Variants in SPIRE1 observed in about 807,000 individuals in gnomAD.
SPIRE1 encodes protein spire homolog 1.
In SPIRE1, 40 loss-of-function variants were observed where a neutral mutation model predicts 94.1. The ratio of observed to expected loss-of-function variants is 0.43; its 90% CI spans 0.33 to 0.55. The LOEUF (loss-of-function observed/expected upper bound fraction) is 0.55. Ranked by LOEUF, SPIRE1 falls within the 20% of genes least tolerant of loss-of-function variation. SPIRE1 has a pLI of 0.06. For synonymous variants in SPIRE1, 376 were observed against 371.7 expected, an observed-to-expected ratio of 1.01 and a Z score of -0.13; for missense variants, 838 against 975.2, an observed-to-expected ratio of 0.86 and a Z score of 1.87.
chr18:12,493,163 T>G lies in SPIRE1; in HGVS notation c.1098A>C (p.Pro366=). ...ARKLKPTPPR[P]RSLHERILEE... ...CTAATATTCTTTCATGGAGGCTCCG[T>G]GGCCGTGGTGGAGTTGGTTTCAGTT... Residue 366 remains proline, a synonymous_variant, in exon 8 of 17, where the codon CCA becomes CCC. Transcript: ENST00000409402. 1 of 1,613,524 alleles carries G rather than the reference T, an allele frequency of 6.2e-7. No homozygotes were observed. The highest frequency in any genetic ancestry group is 8.5e-7 in the Non-Finnish European group (1 of 1,179,858).
At chr18:12,651,283 A>G (rs1007777562) in intron 1 of SPIRE1, among the ~76,000 whole-genome samples, 8 of 152,120 alleles carry the variant, frequency 5.3e-5, no homozygotes, top group Middle Eastern at 3.4e-3. Flanking sequence ...CCCACTACCT[A>G]CTCTGGAAAC....
chr18:12,657,514 G>T lies in SPIRE1; in HGVS notation c.337+16C>A. The T allele has an allele frequency of 8.1e-7, 1 of 1,230,188 alleles. No individual in the cohort carries two copies. The highest frequency in any genetic ancestry group is 1.0e-6 in the Non-Finnish European group (1 of 986,184). The allele number at this position is 1,230,188 out of a possible 1,614,324, so 76.2% of individuals were successfully genotyped here. A position where few individuals can be genotyped will look rare whatever the true frequency, so the allele number is the denominator to read the frequency against. ...TGTTCCAAGAACTACGAGGGAAAGG[G>T]GCCCGGCGGCCTCACCCGCAACTGG... On this transcript the variant is annotated intron_variant, in intron 1 of 16. Coordinates refer to ENST00000409402, the MANE Select transcript of SPIRE1 (RefSeq NM_001128626.2).
chr18:12,573,067 T>G (rs2035998240), intron 2 of SPIRE1, among the ~76,000 whole-genome samples: 1 of 152,054 alleles, frequency 6.6e-6, no homozygotes, highest in Admixed American at 6.6e-5. Flanking sequence ...AGCCACAGAC[T>G]GGAAGAAAAT....
At chr18:12,598,455 G>GT (rs1226006253) in intron 2 of SPIRE1, among the ~76,000 whole-genome samples, 86 of 148,116 alleles carry the variant, frequency 5.8e-4, no homozygotes, top group South Asian at 2.4e-3. Context: ...TGTTTACACT[G>GT]TTTTTTTTTT....
Position 12,559,199 on chromosome 18 carries a change from C to T in SPIRE1, c.373-12295G>A, listed in dbSNP as rs536230342. Among the ~76,000 whole-genome samples the T allele has an allele frequency of 8.9e-3, 1,326 of 149,756 alleles. 22 individuals carry two copies. The highest frequency in any genetic ancestry group is 0.031 in the African/African-American group (1,247 of 40,832). On this transcript the variant is annotated intron_variant, in intron 2 of 16. Coordinates refer to ENST00000409402, the MANE Select transcript of SPIRE1 (RefSeq NM_001128626.2). This position sits in a 1 kb window ranked among gnomAD's most constrained non-coding sequence, Gnocchi z 4.7. Reference sequence around the variant, plus strand: ...GGGGTGGGGTGGGGTGGGGGGGCGCCGGCATGGCAGGCTGCAGGTCCCGAG... The same window carrying T: ...GGGGTGGGGTGGGGTGGGGGGGCGCTGGCATGGCAGGCTGCAGGTCCCGAG...
intron 1 of SPIRE1, among the ~76,000 whole-genome samples, chr18:12,637,209 A>G (rs2037954939): frequency 6.6e-6 from 1 of 151,972 alleles, no homozygotes; most frequent in African/African-American, 2.4e-5. Context: ...AATACAAAAC[A>G]TTAGCCGGGT....
At chr18:12,496,913 C>T (rs2033479655) in intron 6 of SPIRE1, among the ~76,000 whole-genome samples, 1 of 151,586 alleles carries the variant, frequency 6.6e-6, no homozygotes, top group South Asian at 2.1e-4. Flanking sequence ...TACAAAAATA[C>T]AAAAATTAGC....
In SPIRE1 at chr18:12,453,210, T is replaced by C. The variant is rs2031331714; in HGVS notation, c.1777-72A>G. 5.9e-6 allele frequency: 6 copies of C among 1,019,876 alleles called. No individual in the cohort carries two copies. The Admixed American group carries it at 1.2e-4, about 21-fold the overall frequency. The allele number at this position is 1,019,876 out of a possible 1,614,324, so 63.2% of individuals were successfully genotyped here. ...ATTTCCTAATATCCATGTTTGAATA[T>C]GCTTTACATCTATATATAGGGGAAG... On this transcript the variant is annotated intron_variant, in intron 13 of 16. Transcript: ENST00000409402.
intron 13 of SPIRE1, 57 bp downstream of exon 13, chr18:12,454,289 T>C: frequency 6.3e-7 from 1 of 1,598,722 alleles, no homozygotes; most frequent in South Asian, 1.1e-5. Context: ...CAGGAGACTA[T>C]GCATGGGACT....
In SPIRE1 at chr18:12,479,687, C is replaced by T; in HGVS notation, c.1404+12G>A. The stretch of plus-strand genomic sequence containing the variant: ...CATCTTGGGAGTCAAGCTGGGTGAA[C>T]TGGGGCCTCACCTCAGACTCAGAGC... On this transcript the variant is annotated intron_variant, in intron 10 of 16. Transcript: ENST00000409402. The T allele has an allele frequency of 3.1e-6, 5 of 1,594,584 alleles. No homozygotes were observed. The highest frequency in any genetic ancestry group is 4.3e-6 in the Non-Finnish European group (5 of 1,173,480).
At chr18:12,537,253 A>G (rs951825480) in intron 3 of SPIRE1, among the ~76,000 whole-genome samples, 9 of 152,202 alleles carry the variant, frequency 5.9e-5, no homozygotes, top group Non-Finnish European at 1.0e-4. Flanking sequence ...TTTAGAAAAC[A>G]TCTTGCAATA....
chr18:12,510,118 C>A (rs1209738814), intron 5 of SPIRE1, among the ~76,000 whole-genome samples: 1 of 150,794 alleles, frequency 6.6e-6, no homozygotes, highest in South Asian at 2.1e-4. Flanking sequence ...ACAGTATATA[C>A]CATATGATTA....
intron 2 of SPIRE1, among the ~76,000 whole-genome samples, chr18:12,627,339 G>C (rs1231374111): frequency 6.6e-6 from 1 of 151,596 alleles, no homozygotes; most frequent in Non-Finnish European, 1.5e-5. Flanking sequence ...GCAATAGTTT[G>C]CTCAAAATGA....
At chr18:12,614,959 C>T (rs576725270) in intron 2 of SPIRE1, among the ~76,000 whole-genome samples, 207 of 151,864 alleles carry the variant, frequency 1.4e-3, no homozygotes, top group African/African-American at 4.5e-3. Context: ...GAGGCCAAGG[C>T]GGACGGATTG....
rs1448031881 is a variant in SPIRE1, at chr18:12,488,372, C to T, written c.1190-2372G>A. 3.9e-5 allele frequency among the ~76,000 whole-genome samples: 6 copies of T among 152,152 alleles called. No homozygotes were observed. The East Asian group carries it at 9.7e-4, about 24-fold the overall frequency. On this transcript the variant is annotated intron_variant, in intron 8 of 16. Transcript: ENST00000409402. ...CCTGAGGTCCTGGTGGGGATTATGC[C>T]CAGTGGGGAGGGCCTTTGTGGTTGG...
At chr18:12,609,584 G>C (rs2037082566) in intron 2 of SPIRE1, among the ~76,000 whole-genome samples, 1 of 152,162 alleles carries the variant, frequency 6.6e-6, no homozygotes, top group African/African-American at 2.4e-5. Context: ...ATCTGTTCCA[G>C]TCTCAACGAT....
At chr18:12,531,517 G>C (rs943947918) in intron 4 of SPIRE1, among the ~76,000 whole-genome samples, 8 of 152,178 alleles carry the variant, frequency 5.3e-5, no homozygotes, top group African/African-American at 1.9e-4. Flanking sequence ...TTGCCGGACT[G>C]AAGGGTATGA....
intron 10 of SPIRE1, among the ~76,000 whole-genome samples, chr18:12,469,765 CAT>C (rs893744082): frequency 2.0e-4 from 28 of 142,964 alleles, no homozygotes; most frequent in Non-Finnish European, 1.2e-4. Context: ...TATATATACA[CAT>C]ATACACTTTA....
chr18:12,657,614 C>T lies in SPIRE1; in HGVS notation c.253G>A (p.Ala85Thr). ...RRQPRHRVRSAAQIRVWRDGA... is the reference protein window; with the variant it reads ...RRQPRHRVRSTAQIRVWRDGA... Reference sequence around the variant, plus strand: ...TCCCTCCAGACGCGGATCTGCGCGGCCGAGCGCACACGGTGGCGGGGCTGG... The same window carrying T: ...TCCCTCCAGACGCGGATCTGCGCGGTCGAGCGCACACGGTGGCGGGGCTGG... Residue 85 changes from alanine (A) to threonine (T), a missense_variant, in exon 1 of 17, where the codon GCC (alanine) becomes ACC (threonine). Around this residue, in one of 2 missense-constraint regions of SPIRE1, gnomAD observed 193 missense variants for 170.5 expected, o/e 1.13. Transcript: ENST00000409402. The T allele has an allele frequency of 1.5e-6, 2 of 1,294,020 alleles. No individual in the cohort carries two copies. Among genetic ancestry groups the T allele is most frequent in the South Asian group, 2.5e-5 (1 of 39,630 alleles). 80.2% of individuals were successfully genotyped at this position (1,294,020 alleles called of 1,614,324 possible). A position where few individuals can be genotyped will look rare whatever the true frequency, so the allele number is the denominator to read the frequency against.
Sources: gnomAD v4.1 joint callset for allele counts (sites outside exome capture counted in the v4.1 genomes callset) on GRCh38, gnomAD v4.1.1 for gene constraint, gnomAD v4.1.1 regional missense constraint, Gnocchi (gnomAD v3.1) non-coding constraint, MANE v1.5 for transcripts, NCBI Gene and HGNC (gene_info 2026-07-23, HGNC 2026-07-21) for gene names.